Variants in HOGA1 observed in about 807,000 individuals in gnomAD.
The protein encoded by HOGA1 is 4-hydroxy-2-oxoglutarate aldolase, mitochondrial.
A neutral mutation model predicts 34.3 loss-of-function variants in HOGA1; 30 were observed. The observed-to-expected ratio is 0.87, with a 90% CI of 0.65 to 1.19. HOGA1 has a LOEUF of 1.19. Ranked by LOEUF, HOGA1 falls within the 50% of genes most tolerant of loss-of-function variation. The pLI, the probability that HOGA1 is intolerant of heterozygous loss-of-function variation, is 0.00. For synonymous variants in HOGA1, 161 were observed against 174.0 expected, an observed-to-expected ratio of 0.93 and a Z score of 0.59; for missense variants, 417 against 436.5, an observed-to-expected ratio of 0.96 and a Z score of 0.40.
In HOGA1 at chr10:97,584,868, G is replaced by T; in HGVS notation, c.165G>T (p.Gly55=). Residue 55 remains glycine, a synonymous_variant, in exon 1 of 7, where the codon GGG becomes GGT. Coordinates refer to ENST00000370646, the MANE Select transcript of HOGA1 (RefSeq NM_138413.4). The part of the protein sequence containing the change: ...PFTATAEVDY[G]KLEENLHKLG... ...CTGCCACTGCAGAGGTGGACTATGG[G>T]AAACTGGAGGAGAATCTGCACAAAC... The T allele has an allele frequency of 6.2e-7, 1 of 1,614,214 alleles. No homozygotes were observed. Among genetic ancestry groups the T allele is most frequent in the Non-Finnish European group, 8.5e-7 (1 of 1,180,034 alleles).
At chr10:97,591,620 G>GT (rs2041023549) in intron 1 of HOGA1, among the ~76,000 whole-genome samples, 1 of 150,614 alleles carries the variant, frequency 6.6e-6, no homozygotes, top group South Asian at 2.1e-4. Flanking sequence ...TTTTTTTCTT[G>GT]TTTTTTATGT....
At chr10:97,611,436 T>A (rs1204005708) in intron 6 of HOGA1, 74 bp from the exon 7 acceptor site, 1 of 1,548,190 alleles carries the variant, frequency 6.5e-7, no homozygotes, top group Non-Finnish European at 8.9e-7. Context: ...GTTCTGAAAG[T>A]GACAGATCTC....
intron 1 of HOGA1, among the ~76,000 whole-genome samples, chr10:97,588,195 C>CTTTTTTTTTTTTTT (rs1164946936): frequency 7.6e-6 from 1 of 131,346 alleles, no homozygotes; most frequent in African/African-American, 2.7e-5. Flanking sequence ...TTTGTTTTTT[C>CTTTTTTTTTTTTTT]TTTCTTTTTT....
Position 97,589,399 on chromosome 10 carries a change from C to G in HOGA1, c.211+4485C>G, listed in dbSNP as rs990539599. ...CAGCCTGACCCAGCATACTTTGCCCCCTGGGGGCCACCAGATGGGGAGAGA... is the reference window on the plus strand; with the variant it reads ...CAGCCTGACCCAGCATACTTTGCCCGCTGGGGGCCACCAGATGGGGAGAGA... On this transcript the variant is annotated intron_variant, in intron 1 of 6. Transcript: ENST00000370646. Among the ~76,000 whole-genome samples, 10 of 151,818 alleles carry G rather than the reference C, an allele frequency of 6.6e-5. No individual in the cohort carries two copies. In the South Asian group the frequency reaches 1.2e-3, roughly 19 times the overall value.
At chr10:97,604,253 C>T (rs2041141388) in intron 6 of HOGA1, among the ~76,000 whole-genome samples, 1 of 152,180 alleles carries the variant, frequency 6.6e-6, no homozygotes, top group South Asian at 2.1e-4. Context: ...TTGTTTGTTG[C>T]ATGTATCAAT....
At chr10:97,589,626 C>CCAAAA in intron 1 of HOGA1, 1 of 318,700 alleles carries the variant, frequency 3.1e-6, no homozygotes, top group Admixed American at 4.4e-5. Context: ...ACCCCACTCT[C>CCAAAA]CCCACCCCAC....
chr10:97,611,519 C>A lies in HOGA1; in HGVS notation c.844C>A (p.Arg282Ser), dbSNP rs553573861. The change falls in exon 7 of 7, where the codon CGC (arginine) becomes AGC (serine). Residue 282 changes from arginine (R) to serine (S), a missense_variant. Transcript: ENST00000370646. ...AGGCCCTGCTTTGCAGGTGACCCGGCGCTTTGGGATCCCAGGGCTGAAGAA... is the reference window on the plus strand; with the variant it reads ...AGGCCCTGCTTTGCAGGTGACCCGGAGCTTTGGGATCCCAGGGCTGAAGAA... ...LIEPNAAVTR[R>S]FGIPGLKKIM... 2.5e-6 allele frequency: 4 copies of A among 1,614,220 alleles called. No individual in the cohort carries two copies. The highest frequency in any genetic ancestry group is 2.2e-5 in the South Asian group (2 of 91,084).
At chr10:97,592,609 A>C (rs1053275300) in intron 1 of HOGA1, among the ~76,000 whole-genome samples, 2 of 152,180 alleles carry the variant, frequency 1.3e-5, no homozygotes, top group African/African-American at 4.8e-5. Context: ...CAAGTTAAAA[A>C]AAAAGTTTTC....
chr10:97,594,683 G>A (rs2041055476), intron 1 of HOGA1, among the ~76,000 whole-genome samples: 1 of 151,898 alleles, frequency 6.6e-6, no homozygotes, highest in African/African-American at 2.4e-5. Context: ...TAGAGACAGG[G>A]TTTCACCATG....
rs751562322 is a variant in HOGA1, at chr10:97,587,422, A to G, written c.211+2508A>G. Among the ~76,000 whole-genome samples the G allele has an allele frequency of 2.6e-5, 4 of 152,188 alleles. No individual in the cohort carries two copies. In the South Asian group the frequency reaches 8.3e-4, roughly 32 times the overall value. On this transcript the variant is annotated intron_variant, in intron 1 of 6. Coordinates refer to ENST00000370646, the MANE Select transcript of HOGA1 (RefSeq NM_138413.4). ...GCCAACATAGTGAGACCCTGTCTCT[A>G]TTAAAACAAATAAATAGGAGGTGGA... is the stretch of plus-strand genomic sequence containing the variant.
At chr10:97,597,501 C>T (rs1455348845) in intron 1 of HOGA1, among the ~76,000 whole-genome samples, 1 of 152,084 alleles carries the variant, frequency 6.6e-6, no homozygotes, top group Non-Finnish European at 1.5e-5. Context: ...ACTGGTTAGA[C>T]ATATCCCAAG....
intron 1 of HOGA1, chr10:97,590,879 G>A: frequency 2.3e-6 from 1 of 431,304 alleles, no homozygotes; most frequent in Non-Finnish European, 4.3e-6. Context: ...GCAGGCAAGA[G>A]CCCCACACTG....
At chr10:97,591,519 A>G (rs2041022335) in intron 1 of HOGA1, among the ~76,000 whole-genome samples, 1 of 152,082 alleles carries the variant, frequency 6.6e-6, no homozygotes, top group African/African-American at 2.4e-5. Context: ...GGTTTGCTGC[A>G]CCTATCAACA....
intron 1 of HOGA1, among the ~76,000 whole-genome samples, chr10:97,586,061 C>T (rs147149158): frequency 1.5e-4 from 22 of 151,176 alleles, no homozygotes; most frequent in African/African-American, 4.6e-4. Flanking sequence ...CGCTTGAACC[C>T]GGGAGGCAGA....
rs76372994 is a variant in HOGA1 at position 97,608,283 on chromosome 10, C to T, written c.835-3227C>T. 3.4e-4 allele frequency among the ~76,000 whole-genome samples: 51 copies of T among 152,040 alleles called. 1 individual carries two copies. In the East Asian group the frequency reaches 9.7e-3, roughly 29 times the overall value. On this transcript the variant is annotated intron_variant, in intron 6 of 6. Coordinates refer to ENST00000370646, the MANE Select transcript of HOGA1 (RefSeq NM_138413.4). The stretch of plus-strand genomic sequence containing the variant: ...CTACGATCATGCCACTTCACTCCAG[C>T]CTGGACAAAAGAGCAAGACCCTGTC...
rs374047066 is a variant in HOGA1 at position 97,599,115 on chromosome 10, G to T, written c.367G>T (p.Val123Phe). ...CACTCAAGCCACAGTGGAGATGACC[G>T]TCAGCATGGCCCAGGTCGGGGCTGA... ...ESTQATVEMTVSMAQVGADAA... is the reference protein window; with the variant it reads ...ESTQATVEMTFSMAQVGADAA... The change falls in exon 3 of 7, where the codon GTC becomes TTC. Residue 123 changes from valine (V) to phenylalanine (F), a missense_variant. Physicochemically the swap from Val to Phe is conservative, Grantham distance 50 (BLOSUM62 -1). Transcript: ENST00000370646. 1 of 1,613,592 alleles carries T rather than the reference G, an allele frequency of 6.2e-7. No homozygotes were observed. The highest frequency in any genetic ancestry group is 1.3e-5 in the African/African-American group (1 of 75,026).
intron 1 of HOGA1, among the ~76,000 whole-genome samples, chr10:97,593,494 G>GA (rs1237737059): frequency 1.3e-5 from 2 of 151,744 alleles, no homozygotes; most frequent in Non-Finnish European, 1.5e-5. Flanking sequence ...ACATAAAAAA[G>GA]AAAAAAATAA....
At chr10:97,593,395 T>G (rs1028766885) in intron 1 of HOGA1, among the ~76,000 whole-genome samples, 6 of 152,036 alleles carry the variant, frequency 3.9e-5, no homozygotes, top group African/African-American at 1.4e-4. Context: ...AAGAATTGCT[T>G]GAACCTGGGA....
In HOGA1 at chr10:97,612,580, C is replaced by A. The variant is rs1035174133; in HGVS notation, c.*921C>A. On this transcript the variant is annotated 3_prime_UTR_variant, in exon 7 of 7. Transcript: ENST00000370646. ...CCTATTCTGGTCTGTAGCCTTGATT[C>A]CAACCATTGAATGCACGGAGACAGC... 2.0e-5 allele frequency: 3 copies of A among 152,188 alleles called. No homozygotes were observed. Among genetic ancestry groups the A allele is most frequent in the Non-Finnish European group, 4.4e-5 (3 of 68,042 alleles). 9.4% of individuals were successfully genotyped at this position (152,188 alleles called of 1,614,324 possible). A position where few individuals can be genotyped will look rare whatever the true frequency, so the allele number is the denominator to read the frequency against.
Sources: allele counts gnomAD v4.1 joint callset (sites outside exome capture counted in the v4.1 genomes callset), GRCh38; gene constraint gnomAD v4.1.1; transcripts MANE v1.5; gene names NCBI Gene and HGNC (gene_info 2026-07-23, HGNC 2026-07-21).